The following ADGRE3 variants were observed in gnomAD, a reference collection of about 807,000 sequenced individuals.
ADGRE3 encodes EGF-like module receptor 3.
Under a neutral mutation model 80.1 loss-of-function variants are expected in ADGRE3, and 88 were observed. The observed-to-expected ratio is 1.10, with a 90% confidence interval of 0.93 to 1.31. The LOEUF is 1.31. Among genes scored for constraint, ADGRE3 ranks in the 40% most tolerant of loss-of-function variants. The probability of loss-of-function intolerance (pLI) is 0.00; values close to 1 mark genes in which losing one functional copy is unlikely to be tolerated. For missense variants in ADGRE3, 715 were observed against 776.5 expected (o/e 0.92, Z 0.94); for synonymous variants, 281 against 294.8 (o/e 0.95, Z 0.48).
At chr19:14,605,654 G>C in the ADGRE3 span, among the ~76,000 whole-genome samples, 1 of 152,010 alleles carries the variant, frequency 6.6e-6, no homozygotes, top group Non-Finnish European at 1.5e-5. Flanking sequence ...CCATCAATTT[G>C]TTTGGAGAGG....
chr19:14,612,305 CCTT>C, the ADGRE3 span, among the ~76,000 whole-genome samples: 2 of 152,052 alleles, frequency 1.3e-5, no homozygotes, highest in Non-Finnish European at 1.5e-5. Context: ...ACCTGGTTCT[CCTT>C]CTGTGTGTCT....
the ADGRE3 span, among the ~76,000 whole-genome samples, chr19:14,612,565 G>A: frequency 6.6e-6 from 1 of 151,958 alleles, no homozygotes; most frequent in African/African-American, 2.4e-5. Flanking sequence ...GAACTCCTAG[G>A]CTCAAGCAAT....
chr19:14,665,953 T>TATATATATATATAC (rs1972090125), intron 2 of ADGRE3, among the ~76,000 whole-genome samples: 1 of 119,316 alleles, frequency 8.4e-6, no homozygotes, highest in African/African-American at 2.9e-5. Flanking sequence ...TATATATATA[T>TATATATATATATAC]ATATATATAT....
chr19:14,626,989 C>T lies in ADGRE3; in HGVS notation c.1813-1390G>A, dbSNP rs1483475001. ...TCATGGGTGTTTGCAACAAGCAACT[C>T]CAGGCATGTAGAGACAGAAGCCAAA... On this transcript the variant is annotated intron_variant, in intron 14 of 15. Coordinates refer to ENST00000253673, the MANE Select transcript of ADGRE3 (RefSeq NM_032571.5). 2.6e-5 allele frequency among the ~76,000 whole-genome samples: 4 copies of T among 152,288 alleles called. No homozygotes were observed. The East Asian group carries it at 5.8e-4, about 22-fold the overall frequency.
chr19:14,606,442 G>T, the ADGRE3 span, among the ~76,000 whole-genome samples: 1 of 151,888 alleles, frequency 6.6e-6, no homozygotes, highest in Non-Finnish European at 1.5e-5. Flanking sequence ...ACTTTGGGAG[G>T]CTGAGGCAGG....
At chr19:14,661,917 A>C (rs1555762994) in intron 4 of ADGRE3, 46 bp downstream of exon 4, 2 of 1,596,600 alleles carry the variant, frequency 1.3e-6, no homozygotes, top group Admixed American at 1.7e-5. Context: ...ACAAACAAAA[A>C]AACAACAACA....
intron 6 of ADGRE3, 44 bp downstream of exon 6, chr19:14,654,938 G>C: frequency 1.3e-6 from 2 of 1,516,944 alleles, no homozygotes; most frequent in Non-Finnish European, 1.8e-6. Flanking sequence ...GATCCCAGCT[G>C]CTAACCAGTC....
intron 11 of ADGRE3, 86 bp downstream of exon 11, chr19:14,638,019 C>T (rs992331433): frequency 8.3e-5 from 78 of 940,102 alleles, no homozygotes; most frequent in Admixed American, 6.4e-4. Flanking sequence ...GCATTGGTTA[C>T]GTATATTCCC....
In ADGRE3 at chr19:14,664,208, C is replaced by T. The variant is rs991067698; in HGVS notation, c.77-668G>A. Among the ~76,000 whole-genome samples, 112 of 152,032 alleles carry T rather than the reference C, an allele frequency of 7.4e-4. 1 individual carries two copies. The highest frequency in any genetic ancestry group is 2.1e-4 in the Non-Finnish European group (14 of 68,000). On this transcript the variant is annotated intron_variant, in intron 2 of 15. Coordinates refer to ENST00000253673, the MANE Select transcript of ADGRE3 (RefSeq NM_032571.5). ...ATTCCAGCACTTTGGGAGGCTGAGGCGGGTGGATCACCTGAGGTCAGGAGT... is the reference window on the plus strand; with the variant it reads ...ATTCCAGCACTTTGGGAGGCTGAGGTGGGTGGATCACCTGAGGTCAGGAGT...
downstream of ADGRE3, chr19:14,619,014 C>T (rs2075100995): frequency 4.8e-6 from 1 of 207,540 alleles, no homozygotes; most frequent in Non-Finnish European, 9.6e-6. Flanking sequence ...GGCTGGAGAA[C>T]CAGTTGAGCT....
intron 15 of ADGRE3, among the ~76,000 whole-genome samples, chr19:14,624,881 T>C (rs111494253): frequency 0.013 from 1,982 of 151,836 alleles, 52 homozygotes; most frequent in African/African-American, 0.046. Flanking sequence ...TGAGAGCTCA[T>C]GGACACAGGG....
intron 13 of ADGRE3, among the ~76,000 whole-genome samples, chr19:14,631,508 A>T (rs549787712): frequency 0.017 from 2,592 of 151,270 alleles, 37 homozygotes; most frequent in Non-Finnish European, 0.025. Context: ...ATACACACAC[A>T]ATATATATAT....
At position 14,651,139 on chromosome 19, in the gene ADGRE3, G is replaced by C; in HGVS notation, c.643C>G (p.Gln215Glu). Residue 215 changes from glutamine to glutamate, a missense_variant, in exon 7 of 16, where the codon CAA becomes GAA. By Grantham distance (29) the Gln-to-Glu change is conservative (BLOSUM62 2). Coordinates refer to ENST00000253673, the MANE Select transcript of ADGRE3 (RefSeq NM_032571.5). ...EERKTFNLNV[Q>E]MNSMDIRCSD... is the part of the protein sequence containing the mutation. ...CAACGGATGTCCATTGAGTTCATTT[G>C]GACGTTCAAGTTGAATGTCTTTCTT... 6.2e-7 allele frequency: 1 copy of C among 1,613,910 alleles called. No individual in the cohort carries two copies. The highest frequency in any genetic ancestry group is 1.1e-5 in the South Asian group (1 of 91,084).
At chr19:14,610,066 T>C in the ADGRE3 span, 2 of 1,612,968 alleles carry the variant, frequency 1.2e-6, no homozygotes. Flanking sequence ...CCATCCAGCT[T>C]CTGGGAGCCA....
At chr19:14,620,193 A>C (rs1015227957) in intron 15 of ADGRE3, among the ~76,000 whole-genome samples, 21 of 152,022 alleles carry the variant, frequency 1.4e-4, no homozygotes, top group Middle Eastern at 6.8e-3. Context: ...CTTTTTACTC[A>C]AACTCTGTGC....
rs528174348 is a variant in ADGRE3 at position 14,644,100 on chromosome 19, C to T, written c.1050+8G>A. The T allele has an allele frequency of 1.3e-6, 2 of 1,485,026 alleles. No individual in the cohort carries two copies. Among genetic ancestry groups the T allele is most frequent in the South Asian group, 1.3e-5 (1 of 74,578 alleles). 92.0% of individuals were successfully genotyped at this position (1,485,026 alleles called of 1,614,324 possible). A position where few individuals can be genotyped will look rare whatever the true frequency, so the allele number is the denominator to read the frequency against. ...ATTTGCTGGAAGAATAAAACATATA[C>T]ATCATACCTGGCTGGTCAGGGCCAT... On this transcript the variant is annotated splice_region_variant and intron_variant, in intron 9 of 15. Transcript: ENST00000253673.
chr19:14,668,106 T>C (rs1301368701), intron 2 of ADGRE3, among the ~76,000 whole-genome samples: 4 of 151,900 alleles, frequency 2.6e-5, no homozygotes, highest in African/African-American at 4.8e-5. Flanking sequence ...ATGCAAAAAT[T>C]AGCCCACAGT....
At chr19:14,650,221 C>T (rs1971550524) in intron 7 of ADGRE3, among the ~76,000 whole-genome samples, 1 of 148,860 alleles carries the variant, frequency 6.7e-6, no homozygotes, top group East Asian at 2.1e-4. Flanking sequence ...CATCTCTGTC[C>T]CCATCTCTCT....
At chr19:14,668,701 C>A in intron 2 of ADGRE3, 101 bp downstream of exon 2, 1 of 848,458 alleles carries the variant, frequency 1.2e-6, no homozygotes, top group Non-Finnish European at 1.9e-6. Context: ...CCAAATATTG[C>A]TCTCAGAACA....
Sources: gnomAD v4.1 joint callset for allele counts (sites outside exome capture counted in the v4.1 genomes callset) on GRCh38, gnomAD v4.1.1 for gene constraint, MANE v1.5 for transcripts, NCBI Gene and HGNC (gene_info 2026-07-23, HGNC 2026-07-21) for gene names.